Variants in SULT1C3 observed in about 807,000 individuals in gnomAD.
SULT1C3 encodes sulfotransferase 1C3.
SULT1C3 carries 31 observed loss-of-function variants against 28.4 expected under a neutral mutation model. The ratio of observed to expected loss-of-function variants is 1.09; its 90% CI spans 0.82 to 1.47. SULT1C3 has a LOEUF of 1.47. SULT1C3 is among the 40% of genes most tolerant of loss of function. SULT1C3 has a pLI of 0.00. For synonymous variants in SULT1C3, 106 were observed against 92.2 expected, an observed-to-expected ratio of 1.15 and a Z score of -0.86; for missense variants, 307 against 272.5, an observed-to-expected ratio of 1.13 and a Z score of -0.89.
chr2:108,243,114 G>A (rs1008065716), intron 1 of SULT1C3, among the ~76,000 whole-genome samples: 4 of 152,128 alleles, frequency 2.6e-5, no homozygotes, highest in South Asian at 2.1e-4. Context: ...TGATTTAACC[G>A]TGAGTGTGCA....
chr2:108,261,813 A>G (rs73952170), downstream of SULT1C3, among the ~76,000 whole-genome samples: 1,622 of 152,264 alleles, frequency 0.011, 38 homozygotes, highest in African/African-American at 0.037. Context: ...CGTAGTGACA[A>G]GGCAGTGCTA....
At chr2:108,245,432 A>G (rs13398519) in intron 1 of SULT1C3, among the ~76,000 whole-genome samples, 9,372 of 152,326 alleles carry the variant, frequency 0.062, 316 homozygotes, top group African/African-American at 0.073. Context: ...TTACCCATAG[A>G]AAAAGGGTTC....
intron 1 of SULT1C3, among the ~76,000 whole-genome samples, chr2:108,246,643 G>T (rs1236477762): frequency 2.0e-5 from 3 of 151,088 alleles, no homozygotes; most frequent in African/African-American, 7.3e-5. Context: ...ATTATTCCAT[G>T]AATGAAAAAA....
At position 108,259,077 on chromosome 2, in the gene SULT1C3, C is replaced by T. The variant is rs972836874; in HGVS notation, c.733C>T (p.Pro245Ser). Residue 245 changes from proline (P) to serine (S), a missense_variant, in exon 7 of 8, where the codon CCC becomes TCC. Pro to Ser is a moderately conservative substitution (Grantham distance 74, BLOSUM62 -1). Coordinates refer to ENST00000681802, the MANE Select transcript of SULT1C3 (RefSeq NM_001320878.2). ...CTCATTTGATGTAATGAAGGATAAT[C>T]CCATGGCCAACCATACTGCGGTACC... ...HTSFDVMKDN[P>S]MANHTAVPAH... The T allele has an allele frequency of 3.1e-6, 2 of 639,838 alleles. No individual in the cohort carries two copies. The highest frequency in any genetic ancestry group is 5.7e-6 in the Non-Finnish European group (2 of 348,462). 39.6% of individuals were successfully genotyped at this position (639,838 alleles called of 1,614,324 possible).
rs1373780806 is a variant in SULT1C3, at chr2:108,253,426, G to A, written c.383G>A (p.Trp128Ter). 1 of 1,548,394 alleles carries A rather than the reference G, an allele frequency of 6.5e-7. No individual in the cohort carries two copies. ...TCACATCTGATTCCACCATCTATCT[G>A]GAAAGAAAACTGCAAGGTATAAAGA... Reference protein sequence around the residue: ...LPSHLIPPSIWKENCKIVYVA... With the variant: ...LPSHLIPPSI The change falls in exon 4 of 8, where the codon TGG becomes TAG. Residue 128 changes from tryptophan (W) to a stop codon, truncating the protein, a stop_gained. Transcript: ENST00000681802. LOFTEE classifies it high-confidence loss of function.
chr2:108,258,872 T>C (rs1404656590), intron 6 of SULT1C3, 44 bp downstream of exon 6: 2 of 1,470,108 alleles, frequency 1.4e-6, no homozygotes, highest in African/African-American at 1.4e-5. Flanking sequence ...GAAACCCTCC[T>C]GACAATGTTA....
intron 1 of SULT1C3, 134 bp from the exon 2 acceptor site, chr2:108,247,054 G>T (rs1007491297): frequency 1.8e-6 from 1 of 560,778 alleles, no homozygotes; most frequent in Non-Finnish European, 2.8e-6. Flanking sequence ...AGAGTAAGTT[G>T]TTAGCATGTT....
chr2:108,252,707 A>G (rs562151931), intron 3 of SULT1C3, among the ~76,000 whole-genome samples: 1 of 152,116 alleles, frequency 6.6e-6, no homozygotes, highest in South Asian at 2.1e-4. Flanking sequence ...TAAGATTTTC[A>G]TTCTCTTTCT....
intron 7 of SULT1C3, among the ~76,000 whole-genome samples, chr2:108,260,189 G>A (rs928457831): frequency 3.3e-5 from 5 of 152,064 alleles, no homozygotes; most frequent in African/African-American, 1.2e-4. Context: ...CTGACATCTT[G>A]TAACGTCTTT....
intron 2 of SULT1C3, among the ~76,000 whole-genome samples, chr2:108,251,646 A>C (rs1247349948): frequency 6.6e-6 from 1 of 152,096 alleles, no homozygotes; most frequent in Admixed American, 6.6e-5. Flanking sequence ...AGAAATAATC[A>C]GACAAATCCA....
At chr2:108,260,461 C>T (rs1675995777) in intron 7 of SULT1C3, 107 bp from the exon 8 acceptor site, 1 of 351,712 alleles carries the variant, frequency 2.8e-6, no homozygotes, top group Non-Finnish European at 5.8e-6. Flanking sequence ...ACTGAGGGAC[C>T]CTCACTCATG....
intron 5 of SULT1C3, among the ~76,000 whole-genome samples, chr2:108,258,412 C>A (rs1446937416): frequency 6.6e-6 from 1 of 152,018 alleles, no homozygotes; most frequent in Non-Finnish European, 1.5e-5. Context: ...GAGGACCCTA[C>A]CCATTTATAG....
chr2:108,249,314 TAA>T (rs912128278), intron 2 of SULT1C3, among the ~76,000 whole-genome samples: 1 of 152,028 alleles, frequency 6.6e-6, no homozygotes, highest in Non-Finnish European at 1.5e-5. Flanking sequence ...AAAATATTAC[TAA>T]AAATAAAGGT....
At chr2:108,264,970 T>G (rs893673072), downstream of SULT1C3, 2 of 1,613,470 alleles carry the variant, frequency 1.2e-6, no homozygotes, top group South Asian at 2.2e-5. Flanking sequence ...CCCACCAGCA[T>G]TATGGACCAC....
downstream of SULT1C3, among the ~76,000 whole-genome samples, chr2:108,261,600 G>C (rs968919128): frequency 6.6e-6 from 1 of 152,046 alleles, no homozygotes; most frequent in African/African-American, 2.4e-5. Flanking sequence ...ATGCCAACAG[G>C]GCTGATGGCC....
chr2:108,243,285 C>A (rs183048007), intron 1 of SULT1C3, among the ~76,000 whole-genome samples: 1 of 152,248 alleles, frequency 6.6e-6, no homozygotes, highest in African/African-American at 2.4e-5. Flanking sequence ...TTGGGAGGAA[C>A]CTGGTTTACA....
intron 7 of SULT1C3, 121 bp from the exon 8 acceptor site, chr2:108,260,447 T>G: frequency 8.9e-6 from 3 of 336,796 alleles, no homozygotes; most frequent in Non-Finnish European, 1.8e-5. Context: ...CCAGAGGGAG[T>G]GGGACTGAGG....
intron 1 of SULT1C3, among the ~76,000 whole-genome samples, chr2:108,244,080 C>G (rs1053395599): frequency 3.3e-5 from 5 of 152,136 alleles, no homozygotes; most frequent in African/African-American, 1.2e-4. Flanking sequence ...TTTGACAGAA[C>G]CATACAGAAA....
At chr2:108,251,726 T>C (rs1675729651) in intron 2 of SULT1C3, among the ~76,000 whole-genome samples, 1 of 151,916 alleles carries the variant, frequency 6.6e-6, no homozygotes, top group Non-Finnish European at 1.5e-5. Context: ...CAAAAATCAG[T>C]ATCATTAAGA....
Sources: allele counts gnomAD v4.1 joint callset (sites outside exome capture counted in the v4.1 genomes callset), GRCh38; gene constraint gnomAD v4.1.1; transcripts MANE v1.5; gene names NCBI Gene and HGNC (gene_info 2026-07-23, HGNC 2026-07-21).